The following CPEB1 variants were observed in gnomAD, a reference collection of about 807,000 sequenced individuals.
The protein encoded by CPEB1 is cytoplasmic polyadenylation element-binding protein 1.
Under a neutral mutation model 65.8 loss-of-function variants are expected in CPEB1, and 7 were observed. That is an observed-to-expected ratio of 0.11 (90% confidence interval 0.06 to 0.20). The LOEUF is 0.20. Among genes scored for constraint, CPEB1 ranks in the 10% least tolerant of loss-of-function variants. The pLI, the probability that CPEB1 is intolerant of heterozygous loss-of-function variation, is 1.00. For synonymous variants in CPEB1, 262 were observed against 260.0 expected, an observed-to-expected ratio of 1.01 and a Z score of -0.08; for missense variants, 551 against 712.2, an observed-to-expected ratio of 0.77 and a Z score of 2.58.
At chr15:82,603,618 A>C (rs1460417179) in intron 3 of CPEB1, among the ~76,000 whole-genome samples, 3 of 152,202 alleles carry the variant, frequency 2.0e-5, no homozygotes, top group African/African-American at 7.2e-5. Flanking sequence ...GAATACAAGA[A>C]TACTGCAGAG....
chr15:82,606,817 C>CAAAAAAAAAAAAAAAAAAAAAA (rs56078202), intron 3 of CPEB1, among the ~76,000 whole-genome samples: 1 of 82,948 alleles, frequency 1.2e-5, no homozygotes, highest in African/African-American at 4.8e-5. Context: ...GACTCCGTCT[C>CAAAAAAAAAAAAAAAAAAAAAA]AAAAAAAAAA....
intron 12 of CPEB1, among the ~76,000 whole-genome samples, chr15:82,546,015 G>A (rs1018444761): frequency 3.4e-3 from 62 of 18,236 alleles, no homozygotes; most frequent in African/African-American, 0.025. Flanking sequence ...TGTCTGTCCC[G>A]GTCTGACCTT....
At chr15:82,575,661 A>T (rs903801524) in intron 3 of CPEB1, among the ~76,000 whole-genome samples, 1 of 152,168 alleles carries the variant, frequency 6.6e-6, no homozygotes, top group East Asian at 1.9e-4. Context: ...AGGATTATAT[A>T]AATGGCCAAT....
In CPEB1 at chr15:82,566,438, G is replaced by C. The variant is rs535644966; in HGVS notation, c.460+4906C>G. Among the ~76,000 whole-genome samples the C allele has an allele frequency of 1.1e-4, 17 of 152,262 alleles. No individual in the cohort carries two copies. The South Asian group carries it at 3.3e-3, about 30-fold the overall frequency. On this transcript the variant is annotated intron_variant, in intron 4 of 12. Coordinates refer to ENST00000684509, the MANE Select transcript of CPEB1 (RefSeq NM_001365242.1). ...CAGGATCTCTCTGAAGGAATAGGAA[G>C]GGGGGAGAGTAGCATTCATTCCATG...
chr15:82,569,949 C>A (rs2039759725), intron 4 of CPEB1, among the ~76,000 whole-genome samples: 1 of 152,166 alleles, frequency 6.6e-6, no homozygotes, highest in Non-Finnish European at 1.5e-5. Flanking sequence ...ACCGTGGTCT[C>A]CAGGCATAGA....
At chr15:82,612,842 GAACAAACA>G (rs150222615) in intron 3 of CPEB1, among the ~76,000 whole-genome samples, 11 of 50,546 alleles carry the variant, frequency 2.2e-4, no homozygotes, top group South Asian at 7.7e-4. Flanking sequence ...TCAAAAAAAA[GAACAAACA>G]AACAAACAAA....
rs1048130048 is a variant in CPEB1, at chr15:82,571,504, T to C, written c.300A>G (p.Thr100=). ...PDFQDSEETV[T]SRMLFPTSAQ... ...CAGAGGTTGGGAAAAGCATCCTGCT[T>C]GTAACTGTTTCTTCAGAGTCCTGGA... Residue 100 remains threonine, a synonymous_variant, in exon 4 of 13, where the codon ACA becomes ACG. Transcript: ENST00000684509. The C allele has an allele frequency of 6.2e-7, 1 of 1,614,052 alleles. No homozygotes were observed. Among genetic ancestry groups the C allele is most frequent in the East Asian group, 2.2e-5 (1 of 44,878 alleles).
chr15:82,571,595 A>G, intron 3 of CPEB1, 63 bp from the exon 4 acceptor site: 2 of 1,541,074 alleles, frequency 1.3e-6, no homozygotes. Context: ...CAATATTATC[A>G]ACAGTAAATA....
intron 3 of CPEB1, among the ~76,000 whole-genome samples, chr15:82,591,641 A>G (rs2042262030): frequency 6.6e-6 from 1 of 152,068 alleles, no homozygotes; most frequent in South Asian, 2.1e-4. Flanking sequence ...TCTTCTTTTG[A>G]AAAGTGTCTA....
At chr15:82,559,809 T>C (rs1297462207) in intron 4 of CPEB1, among the ~76,000 whole-genome samples, 1 of 152,114 alleles carries the variant, frequency 6.6e-6, no homozygotes, top group Non-Finnish European at 1.5e-5. Flanking sequence ...TTTGGTCGGG[T>C]GTGGTGGCTC....
chr15:82,639,490 T>G (rs1240299467), intron 1 of CPEB1, among the ~76,000 whole-genome samples: 3 of 152,016 alleles, frequency 2.0e-5, no homozygotes, highest in African/African-American at 7.2e-5. Context: ...GGTCTGGCTT[T>G]TTTTTTTTCC....
intron 3 of CPEB1, among the ~76,000 whole-genome samples, chr15:82,615,487 T>C (rs146483425): frequency 1.3e-5 from 2 of 152,312 alleles, no homozygotes; most frequent in African/African-American, 2.4e-5. Flanking sequence ...ATTTTAATTA[T>C]ATAATATGCA....
At chr15:82,647,700 C>G (rs2047695377), upstream of CPEB1, 2 of 543,190 alleles carry the variant, frequency 3.7e-6, no homozygotes. Context: ...TCCACGAGGC[C>G]CCACGCCCGC....
At position 82,629,366 on chromosome 15, in the gene CPEB1, T is replaced by C. The variant is rs1438070098; in HGVS notation, c.-97-810A>G. On this transcript the variant is annotated intron_variant, in intron 1 of 12. Transcript: ENST00000684509. The stretch of plus-strand genomic sequence containing the variant: ...CCAAACTGATTAAGTTATACAACTC[T>C]ATGTGGTCATTATTAGTACATACAA... The C allele has an allele frequency of 3.0e-6, 3 of 985,088 alleles. No individual in the cohort carries two copies. The African/African-American group carries it at 5.2e-5, about 17-fold the overall frequency. 61.0% of individuals were successfully genotyped at this position (985,088 alleles called of 1,614,324 possible).
intron 1 of CPEB1, among the ~76,000 whole-genome samples, chr15:82,634,483 G>T (rs1438468015): frequency 2.0e-5 from 3 of 152,108 alleles, no homozygotes; most frequent in African/African-American, 7.2e-5. Flanking sequence ...TATTCAGTTT[G>T]CCTTTAATGG....
chr15:82,628,071 G>T (rs1034033563), intron 2 of CPEB1: 2 of 627,294 alleles, frequency 3.2e-6, no homozygotes, highest in African/African-American at 3.7e-5. Flanking sequence ...TCTACAGAAA[G>T]GATTGTTAAT....
chr15:82,558,953 GTT>G (rs5814116), intron 4 of CPEB1, among the ~76,000 whole-genome samples: 104 of 147,298 alleles, frequency 7.1e-4, no homozygotes, highest in East Asian at 1.0e-3. Flanking sequence ...TTAATTTGAA[GTT>G]TTTTTTTTTT....
At chr15:82,639,763 C>T (rs1471458577) in intron 1 of CPEB1, among the ~76,000 whole-genome samples, 1 of 152,104 alleles carries the variant, frequency 6.6e-6, no homozygotes, top group Non-Finnish European at 1.5e-5. Flanking sequence ...TGCTGAACAT[C>T]GGCTTTCCTC....
At chr15:82,604,413 CG>C (rs2043381066) in intron 3 of CPEB1, among the ~76,000 whole-genome samples, 1 of 150,062 alleles carries the variant, frequency 6.7e-6, no homozygotes, top group African/African-American at 2.5e-5. Flanking sequence ...ACCCAGGAGG[CG>C]GAGCTTGCAG....
Sources: allele counts gnomAD v4.1 joint callset (sites outside exome capture counted in the v4.1 genomes callset), GRCh38; gene constraint gnomAD v4.1.1; transcripts MANE v1.5; gene names NCBI Gene and HGNC (gene_info 2026-07-23, HGNC 2026-07-21).